The following B9D2 variants were observed in gnomAD, a reference collection of about 807,000 sequenced individuals.
B9D2 encodes the protein B9 domain-containing protein 2.
A neutral mutation model predicts 19.2 loss-of-function variants in B9D2; 21 were observed. The observed-to-expected ratio is 1.09, with a 90% CI of 0.78 to 1.58. B9D2 has a LOEUF of 1.58. Among genes scored for constraint, B9D2 ranks in the 40% most tolerant of loss-of-function variants. The pLI, the probability that B9D2 is intolerant of heterozygous loss-of-function variation, is 0.00. For missense variants in B9D2, 221 were observed against 244.3 expected (o/e 0.90, Z 0.64); for synonymous variants, 91 against 100.6 (o/e 0.90, Z 0.57).
intron 3 of B9D2, among the ~76,000 whole-genome samples, chr19:41,356,808 G>C (rs1422690653): frequency 6.6e-6 from 1 of 151,714 alleles, no homozygotes; most frequent in Non-Finnish European, 1.5e-5. Context: ...CTGAGATCTT[G>C]CCACTACACT....
intron 3 of B9D2, among the ~76,000 whole-genome samples, chr19:41,356,506 T>C (rs909219383): frequency 6.6e-6 from 1 of 151,868 alleles, no homozygotes; most frequent in Admixed American, 6.6e-5. Flanking sequence ...GGAAAGATTT[T>C]TTTTTTCCCC....
chr19:41,358,604 T>A (rs1982072), intron 2 of B9D2, among the ~76,000 whole-genome samples: 105,680 of 151,954 alleles, frequency 0.7, 37,418 homozygotes, highest in African/African-American at 0.79. Flanking sequence ...CCCCATATTT[T>A]CAAGCCTAGT....
chr19:41,354,616 T>A lies in B9D2; in HGVS notation c.*84A>T. The A allele has an allele frequency of 6.5e-7, 1 of 1,528,702 alleles. No homozygotes were observed. The allele number at this position is 1,528,702 out of a possible 1,614,324, so 94.7% of individuals were successfully genotyped here. A position where few individuals can be genotyped will look rare whatever the true frequency, so the allele number is the denominator to read the frequency against. On this transcript the variant is annotated 3_prime_UTR_variant, in exon 4 of 4. Coordinates refer to ENST00000243578, the MANE Select transcript of B9D2 (RefSeq NM_030578.4). ...GGGTCAGCTCTGACAGTCTCTAGAG[T>A]CTGTGCTCTTGACCACTGTGCCATC...
chr19:41,354,467 C>A lies in B9D2; in HGVS notation c.*233G>T. ...GAGCACCTCCCATGTGGCTAAGCAG[C>A]CTCCTGTCACTCAACACCCTGCGAC... On this transcript the variant is annotated 3_prime_UTR_variant, in exon 4 of 4. Coordinates refer to ENST00000243578, the MANE Select transcript of B9D2 (RefSeq NM_030578.4). 1.6e-6 allele frequency: 1 copy of A among 626,468 alleles called. No homozygotes were observed. The highest frequency in any genetic ancestry group is 2.8e-6 in the Non-Finnish European group (1 of 352,038). The allele number at this position is 626,468 out of a possible 1,614,324, so 38.8% of individuals were successfully genotyped here. A position where few individuals can be genotyped will look rare whatever the true frequency, so the allele number is the denominator to read the frequency against.
At chr19:41,359,197 G>A (rs575845411) in intron 2 of B9D2, among the ~76,000 whole-genome samples, 32 of 151,950 alleles carry the variant, frequency 2.1e-4, no homozygotes, top group African/African-American at 7.7e-4. Context: ...TTGGGAGGCT[G>A]AGGCGGGCTG....
chr19:41,360,278 C>T (rs1487329451), intron 2 of B9D2, among the ~76,000 whole-genome samples: 2 of 152,166 alleles, frequency 1.3e-5, no homozygotes, highest in Non-Finnish European at 2.9e-5. Flanking sequence ...CAGGATCAAG[C>T]AATCCTCCCA....
intron 3 of B9D2, among the ~76,000 whole-genome samples, chr19:41,356,527 TA>T (rs972326737): frequency 2.2e-4 from 34 of 151,748 alleles, no homozygotes; most frequent in African/African-American, 7.5e-4. Flanking sequence ...AGCTCCAGCT[TA>T]AAAGACAGAA....
At chr19:41,363,087 A>C (rs1449574582) in intron 2 of B9D2, 3 of 299,582 alleles carry the variant, frequency 1.0e-5, no homozygotes, top group African/African-American at 6.5e-5. Context: ...TCTACAAAAA[A>C]TAAAAAAAAT....
intron 2 of B9D2, among the ~76,000 whole-genome samples, chr19:41,360,572 C>T (rs2123139299): frequency 6.6e-6 from 1 of 152,272 alleles, no homozygotes; most frequent in South Asian, 2.1e-4. Context: ...ATGGCACCAT[C>T]TCGGCTCACT....
rs892057044 is a variant in B9D2, at chr19:41,354,509, C to T, written c.*191G>A. On this transcript the variant is annotated 3_prime_UTR_variant, in exon 4 of 4. Transcript: ENST00000243578. ...CCCTGCGACCCCATACATTTACTGT[C>T]CCCAATTTACAGATAGGGAAACTGG... The T allele has an allele frequency of 1.4e-6, 1 of 721,118 alleles. No individual in the cohort carries two copies. The highest frequency in any genetic ancestry group is 2.4e-6 in the Non-Finnish European group (1 of 424,996). The allele number at this position is 721,118 out of a possible 1,614,324, so 44.7% of individuals were successfully genotyped here.
At chr19:41,356,851 CAA>C (rs59084197) in intron 3 of B9D2, among the ~76,000 whole-genome samples, 17 of 147,796 alleles carry the variant, frequency 1.2e-4, no homozygotes, top group Admixed American at 2.0e-4. Context: ...ACTCTGTCTC[CAA>C]AAAAAAAAAG....
chr19:41,357,150 C>T (rs548132112), intron 3 of B9D2, among the ~76,000 whole-genome samples: 33 of 152,310 alleles, frequency 2.2e-4, no homozygotes, highest in African/African-American at 7.5e-4. Context: ...GAAGCCCTCT[C>T]TGACCTCCCT....
intron 2 of B9D2, 92 bp downstream of exon 2, chr19:41,363,340 G>C: frequency 7.8e-7 from 1 of 1,288,526 alleles, no homozygotes; most frequent in Non-Finnish European, 1.1e-6. Flanking sequence ...TGGAAATGAG[G>C]TTAAGAGTCT....
chr19:41,355,105 G>T, intron 3 of B9D2, 92 bp from the exon 4 acceptor site: 1 of 1,281,014 alleles, frequency 7.8e-7, no homozygotes, highest in Non-Finnish European at 1.1e-6. Flanking sequence ...GGAGACCCCA[G>T]GCCCAGTCTT....
At chr19:41,356,273 A>C (rs1015854740) in intron 3 of B9D2, among the ~76,000 whole-genome samples, 1 of 152,194 alleles carries the variant, frequency 6.6e-6, no homozygotes, top group African/African-American at 2.4e-5. Context: ...GATTCTTGTC[A>C]TAGTCCATGT....
At chr19:41,362,889 C>G (rs2038434123) in intron 2 of B9D2, 1 of 158,048 alleles carries the variant, frequency 6.3e-6, no homozygotes, top group African/African-American at 2.4e-5. Context: ...ATCTGGCAGC[C>G]CATGACCCTA....
Position 41,354,747 on chromosome 19 carries a change from T to C in B9D2, c.481A>G (p.Ile161Val), listed in dbSNP as rs1238454866. 4.3e-6 allele frequency: 7 copies of C among 1,613,910 alleles called. No individual in the cohort carries two copies. The highest frequency in any genetic ancestry group is 1.7e-5 in the Admixed American group (1 of 60,000). The change falls in exon 4 of 4, where the codon ATC becomes GTC. Residue 161 changes from isoleucine (I) to valine (V), a missense_variant. By Grantham distance (29) the Ile-to-Val change is conservative (BLOSUM62 3). Coordinates refer to ENST00000243578, the MANE Select transcript of B9D2 (RefSeq NM_030578.4). ...TAAGGTVHLE[I>V]GLLLRNFDRY... ...TCGAAGTTGCGGAGCAGCAGGCCGA[T>C]CTCCAGGTGCACGGTGCCACCAGCA...
intron 3 of B9D2, 91 bp downstream of exon 3, chr19:41,357,806 G>T: frequency 6.4e-7 from 1 of 1,562,996 alleles, no homozygotes; most frequent in Non-Finnish European, 8.8e-7. Flanking sequence ...TGGGGAGCAG[G>T]GACAGGTCTT....
At chr19:41,359,408 A>AACAC (rs1026992931) in intron 2 of B9D2, among the ~76,000 whole-genome samples, 6 of 151,544 alleles carry the variant, frequency 4.0e-5, no homozygotes, top group African/African-American at 1.5e-4. Flanking sequence ...CTCTACTAAA[A>AACAC]ACACACACAC....
Sources: gnomAD v4.1 joint callset for allele counts (sites outside exome capture counted in the v4.1 genomes callset) on GRCh38, gnomAD v4.1.1 for gene constraint, MANE v1.5 for transcripts, NCBI Gene and HGNC (gene_info 2026-07-23, HGNC 2026-07-21) for gene names.